DAPK2: variants seen among roughly 807,000 people sequenced by gnomAD.
DAPK2 encodes the protein death-associated protein kinase 2.
In DAPK2, 35 loss-of-function variants were observed where a neutral mutation model predicts 44.1. The ratio of observed to expected loss-of-function variants is 0.79; its 90% confidence interval spans 0.61 to 1.05. The LOEUF (loss-of-function observed/expected upper bound fraction) is 1.05, where lower values mean the gene tolerates loss of function less well. Ranked by LOEUF, DAPK2 falls within the 50% of genes least tolerant of loss-of-function variation. The pLI is 0.00. For missense variants in DAPK2, 453 were observed against 483.2 expected (o/e 0.94, Z 0.59); for synonymous variants, 174 against 182.6 (o/e 0.95, Z 0.38).
At chr15:63,971,280 T>C in intron 3 of DAPK2, 143 bp downstream of exon 4, 8 of 1,050,982 alleles carry the variant, frequency 7.6e-6, no homozygotes, top group South Asian at 6.4e-5. Context: ...CGTGGCATCA[T>C]CTTTCCCATG....
intron 1 of DAPK2, among the ~76,000 whole-genome samples, chr15:64,026,919 T>C (rs1284797236): frequency 1.3e-5 from 2 of 152,214 alleles, no homozygotes; most frequent in African/African-American, 4.8e-5. Flanking sequence ...ACCTACCTTG[T>C]GTTGCTATTG....
intron 5 of DAPK2, 156 bp from the exon 7 acceptor site, chr15:63,929,733 T>C (rs924758184): frequency 3.0e-5 from 25 of 846,426 alleles, no homozygotes; most frequent in Non-Finnish European, 4.1e-5. Context: ...CATCCTGCTC[T>C]TCAGCAGCAG....
chr15:63,976,580 T>C (rs2078353453), intron 2 of DAPK2, among the ~76,000 whole-genome samples: 1 of 150,952 alleles, frequency 6.6e-6, no homozygotes, highest in Non-Finnish European at 1.5e-5. Context: ...TAGCTGGGCA[T>C]GGTGATGTGC....
Position 63,939,390 on chromosome 15 carries a change from A to G in DAPK2, c.454-29T>C. 6.4e-7 allele frequency: 1 copy of G among 1,563,502 alleles called. No homozygotes were observed. The highest frequency in any genetic ancestry group is 8.6e-7 in the Non-Finnish European group (1 of 1,161,468). On this transcript the variant is annotated intron_variant, in intron 3 of 10. Coordinates refer to ENST00000261891, the Ensembl canonical transcript of DAPK2. The surrounding 1 kb of genome is among the most constrained non-coding windows in gnomAD (Gnocchi z 4.3). ...GACAACAAAAAGTAGAAAAAAAAAA[A>G]AGGAAGGAAGAAAAGAAAAAAAAAG...
At chr15:63,987,015 G>A (rs897981902) in intron 1 of DAPK2, among the ~76,000 whole-genome samples, 1 of 152,204 alleles carries the variant, frequency 6.6e-6, no homozygotes, top group Non-Finnish European at 1.5e-5. Flanking sequence ...AGAGGGGAGG[G>A]GTTGTCTCTC....
At chr15:63,945,162 C>T (rs1393280077) in intron 3 of DAPK2, among the ~76,000 whole-genome samples, 1 of 152,158 alleles carries the variant, frequency 6.6e-6, no homozygotes, top group Admixed American at 6.5e-5. Context: ...ACCCTGACCA[C>T]CCAGCTAACT....
At chr15:63,960,710 G>A (rs563721231) in intron 3 of DAPK2, among the ~76,000 whole-genome samples, 2 of 152,334 alleles carry the variant, frequency 1.3e-5, no homozygotes, top group South Asian at 4.1e-4. Flanking sequence ...ACTGTGGTCT[G>A]AGAGACAGTT....
intron 1 of DAPK2, among the ~76,000 whole-genome samples, chr15:64,001,426 T>C (rs974980571): frequency 3.9e-5 from 6 of 152,134 alleles, no homozygotes; most frequent in Non-Finnish European, 8.8e-5. Flanking sequence ...ACTCACAATA[T>C]ACATTTTCTC....
chr15:63,932,160 C>T (rs2076975057), intron 4 of DAPK2, among the ~76,000 whole-genome samples: 1 of 87,248 alleles, frequency 1.1e-5, no homozygotes, highest in South Asian at 5.9e-4. Context: ...GAGTGAGACC[C>T]TGTTTAAAAA....
intron 1 of DAPK2, among the ~76,000 whole-genome samples, chr15:64,016,881 AAGGAAGGAAG>A (rs1567275771): frequency 6.6e-6 from 1 of 150,650 alleles, no homozygotes; most frequent in East Asian, 2.0e-4. Flanking sequence ...GGAAGGAAGG[AAGGAAGGAAG>A]GAAGGAAGGA....
chr15:63,946,208 C>A (rs1021349720), intron 3 of DAPK2, among the ~76,000 whole-genome samples: 1 of 152,228 alleles, frequency 6.6e-6, no homozygotes, highest in African/African-American at 2.4e-5. Context: ...TCCTTTGTGT[C>A]CTGGGGGATC....
chr15:63,977,514 G>C (rs12101360), intron 2 of DAPK2, among the ~76,000 whole-genome samples: 6,674 of 117,014 alleles, frequency 0.057, 490 homozygotes, highest in African/African-American at 0.18. Flanking sequence ...TGAAACAGGA[G>C]TGAAAAAAAT....
intron 4 of DAPK2, among the ~76,000 whole-genome samples, chr15:63,933,998 TTTTA>T (rs879634457): frequency 6.6e-6 from 1 of 152,166 alleles, no homozygotes; most frequent in Non-Finnish European, 1.5e-5. Context: ...ATCAACATGC[TTTTA>T]TTTGTCTTTT....
intron 1 of DAPK2, among the ~76,000 whole-genome samples, chr15:63,988,367 A>G (rs1335575209): frequency 2.0e-5 from 3 of 152,174 alleles, no homozygotes; most frequent in Non-Finnish European, 2.9e-5. Flanking sequence ...CTTAAGGTTC[A>G]TGGAGGAGCC....
intron 1 of DAPK2, among the ~76,000 whole-genome samples, chr15:64,011,712 T>C (rs766560947): frequency 2.6e-4 from 40 of 152,246 alleles, no homozygotes; most frequent in Non-Finnish European, 3.8e-4. Context: ...TTTTACTTAT[T>C]TTTAATTACA....
chr15:64,018,044 C>T (rs2079578746), intron 1 of DAPK2, among the ~76,000 whole-genome samples: 1 of 152,184 alleles, frequency 6.6e-6, no homozygotes, highest in African/African-American at 2.4e-5. Flanking sequence ...ACTCAGCTGC[C>T]TGGCCCAAAA....
chr15:64,014,684 C>A (rs2079475097), intron 1 of DAPK2, among the ~76,000 whole-genome samples: 1 of 152,180 alleles, frequency 6.6e-6, no homozygotes, highest in African/African-American at 2.4e-5. Context: ...CTTTGAGAGG[C>A]CAAGGCAGGT....
At chr15:64,019,818 C>T (rs760801807) in intron 1 of DAPK2, among the ~76,000 whole-genome samples, 9 of 152,276 alleles carry the variant, frequency 5.9e-5, no homozygotes, top group Non-Finnish European at 8.8e-5. Context: ...ATTCTCCCTG[C>T]CCCCAAACAA....
intron 4 of DAPK2, among the ~76,000 whole-genome samples, chr15:63,932,897 T>C (rs891667273): frequency 2.0e-5 from 3 of 152,258 alleles, no homozygotes; most frequent in African/African-American, 7.2e-5. Context: ...TGTTCATCCA[T>C]GCTTTTTACA....
Sources: gnomAD v4.1 joint callset for allele counts (sites outside exome capture counted in the v4.1 genomes callset) on GRCh38, gnomAD v4.1.1 for gene constraint, Gnocchi (gnomAD v3.1) non-coding constraint, MANE v1.5 for transcripts, NCBI Gene and HGNC (gene_info 2026-07-23, HGNC 2026-07-21) for gene names.